FAM13A: variants seen among roughly 807,000 people sequenced by gnomAD.
FAM13A encodes the protein family with sequence similarity 13 member A.
In FAM13A, 76 loss-of-function variants were observed where a neutral mutation model predicts 129.6. The observed-to-expected ratio is 0.59, with a 90% CI of 0.49 to 0.71. The LOEUF is 0.71. Ranked by LOEUF, FAM13A falls within the 30% of genes least tolerant of loss-of-function variation. The probability of loss-of-function intolerance (pLI) is 0.00; values close to 1 mark genes in which losing one functional copy is unlikely to be tolerated. For missense variants in FAM13A, 1,108 were observed against 1,249.3 expected (o/e 0.89, Z 1.70); for synonymous variants, 443 against 449.9 (o/e 0.98, Z 0.20).
intron 6 of FAM13A, among the ~76,000 whole-genome samples, chr4:88,897,531 A>G (rs1746560656): frequency 6.6e-6 from 1 of 152,200 alleles, no homozygotes; most frequent in African/African-American, 2.4e-5. Context: ...TCCAGAGCTA[A>G]TGGACATAAG....
At chr4:89,024,232 T>G (rs1767640572) in intron 2 of FAM13A, among the ~76,000 whole-genome samples, 1 of 152,166 alleles carries the variant, frequency 6.6e-6, no homozygotes, top group South Asian at 2.1e-4. Context: ...GGAAGTAGTA[T>G]GACAATAAGT....
At chr4:89,055,913 G>A (rs1244178856) in intron 1 of FAM13A, among the ~76,000 whole-genome samples, 1 of 152,070 alleles carries the variant, frequency 6.6e-6, no homozygotes, top group Non-Finnish European at 1.5e-5. Context: ...GTGACCATTT[G>A]GTGACCATTT....
intron 1 of FAM13A, among the ~76,000 whole-genome samples, chr4:89,038,610 A>G (rs185501143): frequency 1.6e-4 from 25 of 152,334 alleles, no homozygotes; most frequent in Admixed American, 1.6e-3. Flanking sequence ...TAAATTTTTT[A>G]TTAATACATA....
intron 4 of FAM13A, among the ~76,000 whole-genome samples, chr4:88,966,170 G>T (rs1341639515): frequency 6.6e-6 from 1 of 152,104 alleles, no homozygotes; most frequent in Non-Finnish European, 1.5e-5. Context: ...TTTGAAACTG[G>T]ACTATTTATT....
At chr4:88,761,617 A>C (rs1744833440) in intron 13 of FAM13A, among the ~76,000 whole-genome samples, 1 of 152,130 alleles carries the variant, frequency 6.6e-6, no homozygotes, top group South Asian at 2.1e-4. Flanking sequence ...GGGCCACAGC[A>C]AGAGAAGAGT....
At position 88,764,905 on chromosome 4, in the gene FAM13A, A is replaced by G. The variant is rs77190993; in HGVS notation, c.1578+2648T>C. On this transcript the variant is annotated intron_variant, in intron 13 of 23. Coordinates refer to ENST00000264344, the MANE Select transcript of FAM13A (RefSeq NM_014883.4). Reference sequence around the variant, plus strand: ...CATGAAATAGAAATGGGTAACTATTATTGACCAATGCCCATCTGAGATCTC... The same window carrying G: ...CATGAAATAGAAATGGGTAACTATTGTTGACCAATGCCCATCTGAGATCTC... 4.3e-3 allele frequency among the ~76,000 whole-genome samples: 660 copies of G among 152,364 alleles called. 9 individuals are homozygous for G. Among genetic ancestry groups the G allele is most frequent in the African/African-American group, 0.015 (621 of 41,588 alleles).
chr4:88,863,250 C>T (rs536177311), intron 6 of FAM13A, among the ~76,000 whole-genome samples: 2 of 152,122 alleles, frequency 1.3e-5, no homozygotes, highest in Non-Finnish European at 2.9e-5. Context: ...ATGACCAATG[C>T]TTTAATTAAT....
At chr4:88,968,217 C>T (rs1759600501) in intron 4 of FAM13A, among the ~76,000 whole-genome samples, 1 of 152,174 alleles carries the variant, frequency 6.6e-6, no homozygotes, top group Admixed American at 6.5e-5. Flanking sequence ...CTGCATTCAA[C>T]TCTTGGCCAC....
At chr4:88,794,605 T>A (rs1004166820) in intron 8 of FAM13A, among the ~76,000 whole-genome samples, 4 of 151,896 alleles carry the variant, frequency 2.6e-5, no homozygotes, top group African/African-American at 9.7e-5. Flanking sequence ...GTGCGTTGTC[T>A]TATTTCAGTA....
chr4:88,790,533 G>A (rs1724912608), intron 9 of FAM13A, 53 bp downstream of exon 9: 4 of 1,284,852 alleles, frequency 3.1e-6, no homozygotes, highest in East Asian at 4.8e-5. Flanking sequence ...AAGTGGGACA[G>A]GGCATTAAAA....
chr4:88,875,129 C>T (rs1449137381), intron 6 of FAM13A, among the ~76,000 whole-genome samples: 1 of 152,124 alleles, frequency 6.6e-6, no homozygotes, highest in African/African-American at 2.4e-5. Flanking sequence ...ACATCTTATA[C>T]AAAAATTAAT....
chr4:89,041,034 C>G (rs1438549585), intron 1 of FAM13A, among the ~76,000 whole-genome samples: 1 of 152,148 alleles, frequency 6.6e-6, no homozygotes, highest in Non-Finnish European at 1.5e-5. Context: ...CTCTTGGACC[C>G]CTGGATTTTC....
intron 21 of FAM13A, among the ~76,000 whole-genome samples, chr4:88,733,743 T>C (rs772593191): frequency 6.6e-6 from 1 of 152,268 alleles, no homozygotes; most frequent in Non-Finnish European, 1.5e-5. Flanking sequence ...TTAAGCAGTC[T>C]AGTAATTCAG....
At chr4:88,825,271 A>G (rs901421090) in intron 7 of FAM13A, among the ~76,000 whole-genome samples, 10 of 150,116 alleles carry the variant, frequency 6.7e-5, no homozygotes, top group Non-Finnish European at 1.3e-4. Context: ...GCTGGAGTGC[A>G]GTGGCGTGAT....
At chr4:88,787,468 T>G (rs1372561482) in intron 10 of FAM13A, among the ~76,000 whole-genome samples, 1 of 152,170 alleles carries the variant, frequency 6.6e-6, no homozygotes, top group African/African-American at 2.4e-5. Flanking sequence ...AGAATCCCTC[T>G]AAATAAGATA....
chr4:89,012,649 T>C (rs1475530275), intron 3 of FAM13A, among the ~76,000 whole-genome samples: 1 of 152,222 alleles, frequency 6.6e-6, no homozygotes, highest in Non-Finnish European at 1.5e-5. Context: ...CCACTGTTCA[T>C]CTACAAGATG....
intron 11 of FAM13A, among the ~76,000 whole-genome samples, chr4:88,776,558 C>T (rs1721752094): frequency 6.6e-6 from 1 of 152,138 alleles, no homozygotes; most frequent in Admixed American, 6.5e-5. Context: ...ATTGAGTTGA[C>T]ATACAAATGT....
At chr4:88,929,494 T>TTA (rs1554032025) in intron 5 of FAM13A, among the ~76,000 whole-genome samples, 2 of 152,070 alleles carry the variant, frequency 1.3e-5, no homozygotes, top group South Asian at 2.1e-4. Context: ...AACTTTTTTT[T>TTA]ATCCCTCTTC....
chr4:88,999,277 G>C (rs1763945109), intron 3 of FAM13A, among the ~76,000 whole-genome samples: 1 of 152,126 alleles, frequency 6.6e-6, no homozygotes, highest in South Asian at 2.1e-4. Context: ...TGTCAGTCGG[G>C]ACAGGTGGTG....
Sources: allele counts gnomAD v4.1 joint callset (sites outside exome capture counted in the v4.1 genomes callset), GRCh38; gene constraint gnomAD v4.1.1; transcripts MANE v1.5; gene names NCBI Gene and HGNC (gene_info 2026-07-23, HGNC 2026-07-21).